Variants in ELK1 observed in about 807,000 individuals in gnomAD.
ELK1 encodes the protein ETS domain-containing protein Elk-1.
For missense variants in ELK1, 254 were observed against 381.5 expected, an observed-to-expected ratio of 0.67 and a Z score of 2.78; for synonymous variants, 163 against 176.3, an observed-to-expected ratio of 0.92 and a Z score of 0.60.
In ELK1 at chrX:47,639,754, A is replaced by T. The variant is rs897038837; in HGVS notation, c.211-416T>A. ...GCCCATGAAGGGCAGTAGGTGTGGG[A>T]GCAGGTCTTCTTCCTGGCTCCAAGA... is the stretch of plus-strand genomic sequence containing the variant. On this transcript the variant is annotated intron_variant, in intron 3 of 6. Coordinates refer to ENST00000376983, the MANE Select transcript of ELK1 (RefSeq NM_001114123.3). Among the ~76,000 whole-genome samples the T allele has an allele frequency of 3.5e-5, 4 of 113,030 alleles. No homozygotes were observed. The South Asian group carries it at 1.4e-3, about 40-fold the overall frequency.
rs199829517 is a variant in ELK1 at position 47,637,872 on chromosome X, G to A, written c.965C>T (p.Pro322Leu). The change falls in exon 5 of 7, where the codon CCA becomes CTA. Residue 322 changes from proline to leucine, a missense_variant. Physicochemically the swap from Pro to Leu is moderately conservative, Grantham distance 98. Transcript: ENST00000376983. ...KGRKPRDLEL[P>L]LSPSLLGGPG... is the part of the protein sequence containing the mutation. ...CCCACCTAGCAGGCTCGGGCTGAGT[G>A]GAAGCTCTAGGTCCCGGGGCTTCCG... 1.3e-5 allele frequency: 16 copies of A among 1,202,333 alleles called. No individual in the cohort carries two copies. The East Asian group carries it at 4.2e-4, about 32-fold the overall frequency.
chrX:47,643,823 C>T (rs2058035604), intron 2 of ELK1, among the ~76,000 whole-genome samples: 1 of 111,344 alleles, frequency 9.0e-6, no homozygotes, highest in Non-Finnish European at 1.9e-5. Flanking sequence ...TGTCTACGTA[C>T]CTTCCACAGG....
chrX:47,641,447 G>T lies in ELK1; in HGVS notation c.-6C>A. 8.3e-7 allele frequency: 1 copy of T among 1,205,583 alleles called. No individual in the cohort carries two copies. Among genetic ancestry groups the T allele is most frequent in the East Asian group, 3.0e-5 (1 of 33,549 alleles). On this transcript the variant is annotated 5_prime_UTR_variant, in exon 3 of 7. Coordinates refer to ENST00000376983, the MANE Select transcript of ELK1 (RefSeq NM_001114123.3). Reference sequence around the variant, plus strand: ...AGCGTCACAGATGGGTCCATCGCTGGGGGAGTGCTCACGCCATCCCAGGGG... The same window carrying T: ...AGCGTCACAGATGGGTCCATCGCTGTGGGAGTGCTCACGCCATCCCAGGGG...
At chrX:47,649,842 G>A (rs1208273921) in intron 2 of ELK1, 79 bp downstream of exon 2, 2 of 98,807 alleles carry the variant, frequency 2.0e-5, no homozygotes, top group Non-Finnish European at 4.1e-5. Flanking sequence ...GTGGGGGGGG[G>A]GGGTGGTTTT....
Position 47,638,098 on chromosome X carries a change from C to T in ELK1, c.739G>A (p.Glu247Lys). 1 of 1,211,210 alleles carries T rather than the reference C, an allele frequency of 8.3e-7. No individual in the cohort carries two copies. The highest frequency in any genetic ancestry group is 1.1e-6 in the Non-Finnish European group (1 of 895,312). ...TCCTTGGGCCCTTCTACTTTCACTT[C>T]TGGGGGCAAAGCCCGGCCCAAACCC... ...EPGLGRALPP[E>K]VKVEGPKEEL... The change falls in exon 5 of 7, where the codon GAA becomes AAA. Residue 247 changes from glutamate (E) to lysine (K), a missense_variant. Physicochemically the swap from Glu to Lys is moderately conservative, Grantham distance 56. Transcript: ENST00000376983.
chrX:47,638,151 A>T lies in ELK1; in HGVS notation c.686T>A (p.Leu229Gln). 8.3e-7 allele frequency: 1 copy of T among 1,209,817 alleles called. No homozygotes were observed. The highest frequency in any genetic ancestry group is 1.1e-6 in the Non-Finnish European group (1 of 894,664). The change falls in exon 5 of 7, where the codon CTG becomes CAG. Residue 229 changes from leucine to glutamine, a missense_variant. Transcript: ENST00000376983. ...VILTPPEAPN[L>Q]KSEELNVEPG... ...CTCCACATTAAGCTCTTCCGATTTC[A>T]GGTTTGGGGCCTCGGGCGGGGTCAG... is the stretch of plus-strand genomic sequence containing the variant.
rs776044587 is a variant in ELK1 at position 47,641,035 on chromosome X, G to A, written c.210+197C>T. Among the ~76,000 whole-genome samples, 23 of 111,655 alleles carry A rather than the reference G, an allele frequency of 2.1e-4. No individual in the cohort carries two copies. In the South Asian group the frequency reaches 3.0e-3, roughly 15 times the overall value. On this transcript the variant is annotated intron_variant, in intron 3 of 6. Coordinates refer to ENST00000376983, the MANE Select transcript of ELK1 (RefSeq NM_001114123.3). ...TATTAATAATGCAGTGGTGGTTTTCGCCAAAGCAGTAAGACAAGAAAGTAG... is the reference window on the plus strand; with the variant it reads ...TATTAATAATGCAGTGGTGGTTTTCACCAAAGCAGTAAGACAAGAAAGTAG...
chrX:47,642,585 GTTCTTTTTTTTTTT>G (rs1259647213), intron 2 of ELK1, among the ~76,000 whole-genome samples: 1 of 107,442 alleles, frequency 9.3e-6, no homozygotes, highest in African/African-American at 3.4e-5. Flanking sequence ...GAATGTTCTC[GTTCTTTTTTTTTTT>G]TTCTTTTTTT....
chrX:47,644,718 TGGGGAGAGGAGGCTGACATGGGTTCG>T (rs1337030490), intron 2 of ELK1, among the ~76,000 whole-genome samples: 51 of 109,005 alleles, frequency 4.7e-4, no homozygotes, highest in African/African-American at 1.7e-3. Flanking sequence ...GCAGGTGACA[TGGGGAGAGGAGGCTGACATGGGTTCG>T]GGGGAGAGGA....
At position 47,636,796 on chromosome X, in the gene ELK1, C is replaced by A. The variant is rs552707376; in HGVS notation, c.*33G>T. The A allele has an allele frequency of 1.2e-3, 1,286 of 1,097,375 alleles. 10 individuals are homozygous for A. In the South Asian group the frequency reaches 0.025, roughly 22 times the overall value. The allele number at this position is 1,097,375 out of a possible 1,213,427, so 90.4% of individuals were successfully genotyped here. ...GCTGGAGAGAGCATGGATGGAGTGACCCCAGAAGGGGTGGTGGTGGTGGTG... is the reference window on the plus strand; with the variant it reads ...GCTGGAGAGAGCATGGATGGAGTGAACCCAGAAGGGGTGGTGGTGGTGGTG... On this transcript the variant is annotated 3_prime_UTR_variant, in exon 7 of 7. Coordinates refer to ENST00000376983, the MANE Select transcript of ELK1 (RefSeq NM_001114123.3).
Position 47,639,046 on chromosome X carries a change from T to A in ELK1, c.503A>T (p.Gln168Leu). 8.3e-7 allele frequency: 1 copy of A among 1,203,780 alleles called. No individual in the cohort carries two copies. The highest frequency in any genetic ancestry group is 2.4e-4 in the Middle Eastern group (1 of 4,210). ...CCGAGGATGAGGGGGTGGCTGCGGC[T>A]GCAGAGACTGGATGGTGAAGGTGGA... The part of the protein sequence containing the change: ...LYSTFTIQSL[Q>L]PQPPPHPRPA... Residue 168 changes from glutamine (Q) to leucine (L), a missense_variant, in exon 4 of 7, where the codon CAG becomes CTG. Physicochemically the swap from Gln to Leu is moderately radical, Grantham distance 113. Coordinates refer to ENST00000376983, the MANE Select transcript of ELK1 (RefSeq NM_001114123.3).
chrX:47,641,451 A>G lies in ELK1; in HGVS notation c.-10T>C. 1.7e-6 allele frequency: 2 copies of G among 1,202,553 alleles called. No homozygotes were observed. Among genetic ancestry groups the G allele is most frequent in the Non-Finnish European group, 2.2e-6 (2 of 890,275 alleles). ...TCACAGATGGGTCCATCGCTGGGGG[A>G]GTGCTCACGCCATCCCAGGGGTACC... On this transcript the variant is annotated 5_prime_UTR_variant, in exon 3 of 7. Transcript: ENST00000376983.
Position 47,639,053 on chromosome X carries a change from A to G in ELK1, c.496T>C (p.Ser166Pro). The change falls in exon 4 of 7, where the codon TCT becomes CCT. Residue 166 changes from serine (S) to proline (P), a missense_variant. Coordinates refer to ENST00000376983, the MANE Select transcript of ELK1 (RefSeq NM_001114123.3). ...SGLYSTFTIQ[S>P]LQPQPPPHPR... ...TGAGGGGGTGGCTGCGGCTGCAGAG[A>G]CTGGATGGTGAAGGTGGAATAGAGG... The G allele has an allele frequency of 1.7e-6, 2 of 1,202,866 alleles. No individual in the cohort carries two copies. The highest frequency in any genetic ancestry group is 2.2e-6 in the Non-Finnish European group (2 of 891,511).
chrX:47,643,457 C>T (rs900528596), intron 2 of ELK1, among the ~76,000 whole-genome samples: 7 of 111,833 alleles, frequency 6.3e-5, no homozygotes, highest in African/African-American at 2.3e-4. Context: ...CTTCTTTTAA[C>T]TCTTTTGGTG....
intron 3 of ELK1, among the ~76,000 whole-genome samples, chrX:47,639,681 A>G (rs2058022480): frequency 1.8e-5 from 2 of 111,370 alleles, no homozygotes; most frequent in Admixed American, 9.5e-5. Flanking sequence ...AGGTCCGTCT[A>G]TCTGATTTTC....
At chrX:47,641,180 C>A (rs1603091535) in intron 3 of ELK1, 52 bp downstream of exon 3, 1 of 1,157,623 alleles carries the variant, frequency 8.6e-7, no homozygotes, top group East Asian at 3.0e-5. Context: ...AAAATAAAAT[C>A]TCTGATATAA....
chrX:47,637,651 C>A, intron 5 of ELK1, 100 bp downstream of exon 5: 1 of 1,007,874 alleles, frequency 9.9e-7, no homozygotes, highest in Non-Finnish European at 1.3e-6. Flanking sequence ...TCTTCAGGAA[C>A]AACCACACTC....
chrX:47,641,196 A>AG lies in ELK1; in HGVS notation c.210+35dup, dbSNP rs751557523. The AG allele has an allele frequency of 2.2e-4, 258 of 1,174,873 alleles. No individual in the cohort carries two copies. In the East Asian group the frequency reaches 2.5e-3, roughly 12 times the overall value. ...AAATAAAATCTCTGATATAAATGTCAGGGGGGGGTTCCAGCCCTGGTCTGA... is the reference window on the plus strand; with the variant it reads ...AAATAAAATCTCTGATATAAATGTCAGGGGGGGGGTTCCAGCCCTGGTCTGA... On this transcript the variant is annotated intron_variant, in intron 3 of 6. Coordinates refer to ENST00000376983, the MANE Select transcript of ELK1 (RefSeq NM_001114123.3).
chrX:47,637,851 C>G lies in ELK1; in HGVS notation c.986G>C (p.Gly329Ala). 2 of 1,200,730 alleles carry G rather than the reference C, an allele frequency of 1.7e-6. No individual in the cohort carries two copies. Among genetic ancestry groups the G allele is most frequent in the Non-Finnish European group, 2.2e-6 (2 of 890,150 alleles). Residue 329 changes from glycine (G) to alanine (A), a missense_variant, in exon 5 of 7, where the codon GGT becomes GCT. Gly to Ala is a moderately conservative substitution (Grantham distance 60). Transcript: ENST00000376983. ...LELPLSPSLL[G>A]GPGPERTPGS... ...TGGGGTCCGTTCGGGTCCCGGCCCA[C>G]CTAGCAGGCTCGGGCTGAGTGGAAG...
Sources: gnomAD v4.1 joint callset for allele counts (sites outside exome capture counted in the v4.1 genomes callset) on GRCh38, gnomAD v4.1.1 for gene constraint, MANE v1.5 for transcripts, NCBI Gene and HGNC (gene_info 2026-07-23, HGNC 2026-07-21) for gene names.